Variants in YARS1 observed in about 807,000 individuals in gnomAD.
YARS1 encodes tyrosyl-tRNA synthetase 1, also known as tyrosine--tRNA ligase, cytoplasmic.
In YARS1, 36 loss-of-function variants were observed where a neutral mutation model predicts 62.2. That is an observed-to-expected ratio of 0.58 (90% CI 0.44 to 0.76). The LOEUF is 0.76. Among genes scored for constraint, YARS1 ranks in the 30% least tolerant of loss-of-function variants. YARS1 has a pLI of 0.00. For synonymous variants in YARS1, 234 were observed against 244.9 expected (o/e 0.96, Z 0.42); for missense variants, 524 against 639.8 (o/e 0.82, Z 1.95).
rs1009349245 is a variant in YARS1 at position 32,787,014 on chromosome 1, A to C, written c.746T>G (p.Phe249Cys). The C allele has an allele frequency of 6.2e-7, 1 of 1,614,078 alleles. No individual in the cohort carries two copies. Among genetic ancestry groups the C allele is most frequent in the African/African-American group, 1.3e-5 (1 of 74,928 alleles). The change falls in exon 7 of 13, where the codon TTC (phenylalanine) becomes TGC (cysteine). Residue 249 changes from phenylalanine to cysteine, a missense_variant. By Grantham distance (205) the Phe-to-Cys change is radical. Coordinates refer to ENST00000373477, the MANE Select transcript of YARS1 (RefSeq NM_003680.4). ...EDVKKKLKKA[F>C]CEPGNVENNG... The stretch of plus-strand genomic sequence containing the variant: ...GTTCTCCACATTTCCTGGCTCACAG[A>C]AGGCCTTCTTCAGTTTTTTCTTCAC...
chr1:32,790,513 CAAAAAAAAAAAAA>C lies in YARS1; in HGVS notation c.684+636_684+648del, dbSNP rs35718370. The C allele has an allele frequency of 2.2e-3, 142 of 65,590 alleles. 1 individual carries two copies. Among genetic ancestry groups the C allele is most frequent in the African/African-American group, 9.0e-3 (135 of 15,054 alleles). 4.1% of individuals were successfully genotyped at this position (65,590 alleles called of 1,614,324 possible). On this transcript the variant is annotated intron_variant, in intron 6 of 12. Transcript: ENST00000373477. ...TGGGTGACAGAGTGAGACTCCATCT[CAAAAAAAAAAAAA>C]AAAAAAAAAAAAGGGAGAGAGAAAG...
intron 6 of YARS1, among the ~76,000 whole-genome samples, chr1:32,790,173 A>G (rs916171457): frequency 3.1e-5 from 4 of 129,080 alleles, no homozygotes; most frequent in Non-Finnish European, 6.5e-5. Context: ...GTGAGCCACC[A>G]CGCAGGCCTT....
At chr1:32,802,686 A>G (rs1463473442) in intron 4 of YARS1, among the ~76,000 whole-genome samples, 1 of 152,182 alleles carries the variant, frequency 6.6e-6, no homozygotes, top group Non-Finnish European at 1.5e-5. Flanking sequence ...ATGTTTTGAA[A>G]AGAATCTTTC....
chr1:32,800,630 C>T (rs1193283963), intron 4 of YARS1, among the ~76,000 whole-genome samples: 1 of 151,858 alleles, frequency 6.6e-6, no homozygotes, highest in Non-Finnish European at 1.5e-5. Flanking sequence ...CTGTCTGTCA[C>T]CCAGGCTGGA....
intron 7 of YARS1, chr1:32,786,736 C>T (rs1011606997): frequency 6.3e-6 from 5 of 793,412 alleles, no homozygotes; most frequent in Non-Finnish European, 9.8e-6. Context: ...CTCCAGTATT[C>T]CCTCAGAACC....
At chr1:32,784,084 A>G (rs1653144008) in intron 8 of YARS1, among the ~76,000 whole-genome samples, 1 of 150,840 alleles carries the variant, frequency 6.6e-6, no homozygotes, top group African/African-American at 2.4e-5. Flanking sequence ...GGCTCAGTGC[A>G]GCTTTGATCT....
At chr1:32,781,259 G>A in intron 9 of YARS1, 114 bp from the exon 10 acceptor site, 2 of 874,592 alleles carry the variant, frequency 2.3e-6, no homozygotes, top group South Asian at 2.7e-5. Context: ...AATCCCCAGA[G>A]TCTAAACACT....
intron 6 of YARS1, among the ~76,000 whole-genome samples, chr1:32,787,842 C>T (rs1335262314): frequency 1.3e-5 from 2 of 152,154 alleles, no homozygotes; most frequent in African/African-American, 2.4e-5. Context: ...TTTGGCTGGG[C>T]ACAGTGGCTC....
Position 32,797,912 on chromosome 1 carries a change from C to T in YARS1, c.511-69G>A, listed in dbSNP as rs1243608321. 1.4e-5 allele frequency: 20 copies of T among 1,421,282 alleles called. No homozygotes were observed. In the East Asian group the frequency reaches 3.3e-4, roughly 23 times the overall value. 88.0% of individuals were successfully genotyped at this position (1,421,282 alleles called of 1,614,324 possible). On this transcript the variant is annotated intron_variant, in intron 4 of 12. Transcript: ENST00000373477. ...TTGAGACAGAGTCTCGCTCTGTCGC[C>T]CAGGCTGGAGTGCTGTGGCGTGATC...
At chr1:32,808,219 C>T (rs891253503) in intron 3 of YARS1, among the ~76,000 whole-genome samples, 1 of 150,328 alleles carries the variant, frequency 6.7e-6, no homozygotes, top group African/African-American at 2.5e-5. Context: ...CACTCCCCCA[C>T]CATTTTTTTT....
chr1:32,798,058 GACA>G (rs1023231779), intron 4 of YARS1: 23 of 506,896 alleles, frequency 4.5e-5, no homozygotes, highest in Non-Finnish European at 6.4e-5. Context: ...TTTTAGTAGA[GACA>G]ACGTTTTGCC....
chr1:32,783,615 C>T (rs1370234702), intron 8 of YARS1: 1 of 152,126 alleles, frequency 6.6e-6, no homozygotes, highest in Non-Finnish European at 1.5e-5. Context: ...AGCTGACTGC[C>T]TTTTTTATAT....
At chr1:32,781,980 A>ATTT (rs772679724) in intron 9 of YARS1, 18 of 144,306 alleles carry the variant, frequency 1.2e-4, no homozygotes, top group Non-Finnish European at 2.0e-4. Context: ...TGCCTGGCTA[A>ATTT]TTTTTTTTTT....
At chr1:32,804,828 G>T (rs1253095135) in intron 4 of YARS1, among the ~76,000 whole-genome samples, 2 of 152,098 alleles carry the variant, frequency 1.3e-5, no homozygotes, top group African/African-American at 4.8e-5. Flanking sequence ...TCCCAGATGG[G>T]GTGGCAGCCA....
chr1:32,791,467 TTA>T (rs1169746069), intron 5 of YARS1, among the ~76,000 whole-genome samples: 2 of 152,178 alleles, frequency 1.3e-5, no homozygotes, highest in African/African-American at 4.8e-5. Context: ...GCTATTGGAC[TTA>T]TGTCACCATA....
intron 4 of YARS1, among the ~76,000 whole-genome samples, chr1:32,805,806 A>C (rs1638451440): frequency 6.6e-6 from 1 of 151,850 alleles, no homozygotes; most frequent in Non-Finnish European, 1.5e-5. Flanking sequence ...CTAAAAATAC[A>C]AAAAAAATCA....
Position 32,797,763 on chromosome 1 carries a change from C to T in YARS1, c.591G>A (p.Lys197=). Residue 197 remains lysine, a splice_region_variant and synonymous_variant, in exon 5 of 13, where the codon AAG becomes AAA. Coordinates refer to ENST00000373477, the MANE Select transcript of YARS1 (RefSeq NM_003680.4). ...DQRKIFTFAE[K]YLPALGYSKR... ...AAAAGACAGGAAAGCAGACACTCACCTTCTCTGCAAAGGTGAAAATCTTTC... is the reference window on the plus strand; with the variant it reads ...AAAAGACAGGAAAGCAGACACTCACTTTCTCTGCAAAGGTGAAAATCTTTC... 1 of 1,613,842 alleles carries T rather than the reference C, an allele frequency of 6.2e-7. No individual in the cohort carries two copies. The highest frequency in any genetic ancestry group is 8.5e-7 in the Non-Finnish European group (1 of 1,179,710).
chr1:32,797,037 T>C (rs1184045422), intron 5 of YARS1, among the ~76,000 whole-genome samples: 1 of 64,518 alleles, frequency 1.5e-5, no homozygotes, highest in African/African-American at 6.8e-5. Context: ...TATATATATA[T>C]ATATATATAT....
At chr1:32,809,873 A>G (rs980042281) in intron 3 of YARS1, among the ~76,000 whole-genome samples, 1 of 152,202 alleles carries the variant, frequency 6.6e-6, no homozygotes, top group African/African-American at 2.4e-5. Context: ...TGGGAGACCG[A>G]GGTGGGCGGA....
Sources: allele counts gnomAD v4.1 joint callset (sites outside exome capture counted in the v4.1 genomes callset), GRCh38; gene constraint gnomAD v4.1.1; transcripts MANE v1.5; gene names NCBI Gene and HGNC (gene_info 2026-07-23, HGNC 2026-07-21).